The following CMTM4 variants were observed in gnomAD, a reference collection of about 807,000 sequenced individuals.
The protein encoded by CMTM4 is CKLF-like MARVEL transmembrane domain-containing protein 4.
In CMTM4, 8 loss-of-function variants were observed where a neutral mutation model predicts 19.0. The observed-to-expected ratio is 0.42, with a 90% CI of 0.25 to 0.76. The LOEUF (loss-of-function observed/expected upper bound fraction) is 0.76. Ranked by LOEUF, CMTM4 falls within the 30% of genes least tolerant of loss-of-function variation. CMTM4 has a pLI of 0.27. For synonymous variants in CMTM4, 106 were observed against 121.1 expected, an observed-to-expected ratio of 0.88 and a Z score of 0.82; for missense variants, 228 against 290.2, an observed-to-expected ratio of 0.79 and a Z score of 1.56.
Position 66,620,611 on chromosome 16 carries a change from A to G in CMTM4, c.*1447T>C. 1.0e-6 allele frequency: 1 copy of G among 985,608 alleles called. No homozygotes were observed. Among genetic ancestry groups the G allele is most frequent in the Non-Finnish European group, 1.2e-6 (1 of 829,938 alleles). 61.1% of individuals were successfully genotyped at this position (985,608 alleles called of 1,614,324 possible). ...GCCCCCTCGGAGTTATTTATTACAC[A>G]GTACGCTGCTAAAGCTGTCAACATT... On this transcript the variant is annotated 3_prime_UTR_variant, in exon 4 of 4. Transcript: ENST00000394106.
At chr16:66,640,173 C>T (rs531058677) in intron 1 of CMTM4, among the ~76,000 whole-genome samples, 191 of 152,124 alleles carry the variant, frequency 1.3e-3, no homozygotes, top group African/African-American at 4.3e-3. Flanking sequence ...TGGTGGCGCA[C>T]GCCTGTAATC....
intron 1 of CMTM4, among the ~76,000 whole-genome samples, chr16:66,640,415 G>A (rs2016078194): frequency 6.6e-6 from 1 of 152,214 alleles, no homozygotes; most frequent in African/African-American, 2.4e-5. Flanking sequence ...AAGAGCACTG[G>A]AGGCAGAGTG....
chr16:66,674,932 G>GGGGTTTCACCATGTTGGGCCGGC (rs2016781310), intron 1 of CMTM4, among the ~76,000 whole-genome samples: 1 of 151,496 alleles, frequency 6.6e-6, no homozygotes, highest in Admixed American at 6.6e-5. Context: ...TAGTAGAGGT[G>GGGGTTTCACCATGTTGGGCCGGC]GGGTTTCACC....
At chr16:66,666,323 G>A (rs982679728) in intron 1 of CMTM4, among the ~76,000 whole-genome samples, 4 of 151,340 alleles carry the variant, frequency 2.6e-5, no homozygotes, top group African/African-American at 9.7e-5. Flanking sequence ...CGTCATGGCG[G>A]GCGCCTGTAG....
At chr16:66,646,752 G>T (rs963852075) in intron 1 of CMTM4, among the ~76,000 whole-genome samples, 1 of 150,988 alleles carries the variant, frequency 6.6e-6, no homozygotes, top group African/African-American at 2.4e-5. Context: ...TGTTACCCAG[G>T]CTGAAGTGCA....
the CMTM4 span, among the ~76,000 whole-genome samples, chr16:66,607,585 TTTTTC>T: frequency 1.3e-5 from 2 of 152,216 alleles, no homozygotes. Context: ...GGTTCAAGGT[TTTTTC>T]TTTTCAAGGT....
intron 1 of CMTM4, among the ~76,000 whole-genome samples, chr16:66,683,520 T>C (rs926392824): frequency 6.6e-6 from 1 of 151,658 alleles, no homozygotes; most frequent in East Asian, 1.9e-4. Flanking sequence ...CTCGATCTCC[T>C]GACCTCGTGA....
intron 2 of CMTM4, among the ~76,000 whole-genome samples, chr16:66,631,364 T>TGCCCGGCC (rs1416415209): frequency 6.9e-6 from 1 of 145,286 alleles, no homozygotes; most frequent in Non-Finnish European, 1.5e-5. Context: ...GGGGCGCCTC[T>TGCCCGGCC]GCCCGGCCGC....
chr16:66,653,387 C>T (rs1031746293), intron 1 of CMTM4, among the ~76,000 whole-genome samples: 1 of 151,528 alleles, frequency 6.6e-6, no homozygotes, highest in African/African-American at 2.4e-5. Flanking sequence ...CCCCCCAGGA[C>T]CTCTACACCA....
intron 2 of CMTM4, among the ~76,000 whole-genome samples, chr16:66,632,308 C>G (rs1184714490): frequency 6.6e-6 from 1 of 152,174 alleles, no homozygotes; most frequent in Non-Finnish European, 1.5e-5. Context: ...ACTTTCAATG[C>G]TGCCAGACTG....
At chr16:66,645,194 G>A (rs1174556748) in intron 1 of CMTM4, among the ~76,000 whole-genome samples, 1 of 152,080 alleles carries the variant, frequency 6.6e-6, no homozygotes, top group Admixed American at 6.6e-5. Flanking sequence ...TGAGGCAAGA[G>A]AATCACTTGA....
At chr16:66,633,682 G>A (rs2015927981) in intron 2 of CMTM4, among the ~76,000 whole-genome samples, 1 of 152,072 alleles carries the variant, frequency 6.6e-6, no homozygotes, top group Non-Finnish European at 1.5e-5. Context: ...GCTGGGCACG[G>A]TGGCACATGC....
chr16:66,680,536 AGGCC>A (rs2016891639), intron 1 of CMTM4, among the ~76,000 whole-genome samples: 2 of 151,400 alleles, frequency 1.3e-5, no homozygotes, highest in African/African-American at 2.4e-5. Flanking sequence ...GCGCTTCGGG[AGGCC>A]AAGGCGGGCA....
At chr16:66,639,922 G>A (rs1289468038) in intron 1 of CMTM4, among the ~76,000 whole-genome samples, 1 of 152,182 alleles carries the variant, frequency 6.6e-6, no homozygotes, top group Non-Finnish European at 1.5e-5. Flanking sequence ...GGAGGCTAAT[G>A]CATGAGAATC....
intron 1 of CMTM4, among the ~76,000 whole-genome samples, chr16:66,646,809 C>T (rs967083481): frequency 6.6e-6 from 1 of 151,354 alleles, no homozygotes; most frequent in African/African-American, 2.4e-5. Context: ...TGGGTTCAAA[C>T]GATTCTCCTG....
the CMTM4 span, among the ~76,000 whole-genome samples, chr16:66,602,473 C>T: frequency 6.6e-6 from 1 of 152,136 alleles, no homozygotes; most frequent in African/African-American, 2.4e-5. Flanking sequence ...TCACCCTATA[C>T]CCAAGGGTAA....
At chr16:66,609,723 G>A in the CMTM4 span, 1 of 1,557,684 alleles carries the variant, frequency 6.4e-7, no homozygotes. This position sits in a 1 kb window ranked among gnomAD's most constrained non-coding sequence, Gnocchi z 4.4. Flanking sequence ...GTCAAACCAA[G>A]TTCACAGCTC....
intron 1 of CMTM4, 51 bp from the exon 2 acceptor site, chr16:66,636,632 T>G: frequency 6.9e-7 from 1 of 1,451,448 alleles, no homozygotes. Context: ...AGTATACATC[T>G]GCGGACATAC....
intron 2 of CMTM4, among the ~76,000 whole-genome samples, chr16:66,634,447 C>G (rs527373952): frequency 7.1e-6 from 1 of 141,716 alleles, no homozygotes. Context: ...CTCAAAAAAA[C>G]AAAAAAAAAA....
Sources: allele counts gnomAD v4.1 joint callset (sites outside exome capture counted in the v4.1 genomes callset), GRCh38; gene constraint gnomAD v4.1.1; non-coding constraint Gnocchi (gnomAD v3.1); transcripts MANE v1.5; gene names NCBI Gene and HGNC (gene_info 2026-07-23, HGNC 2026-07-21).